ZNF420: variants seen among roughly 807,000 people sequenced by gnomAD.
The protein encoded by ZNF420 is ATM and p53-associated KZNF protein.
ZNF420 carries 31 observed loss-of-function variants against 44.7 expected under a neutral mutation model. That is an observed-to-expected ratio of 0.69 (90% CI 0.52 to 0.94). The LOEUF is 0.94. ZNF420 is among the 40% of genes least tolerant of loss of function. ZNF420 has a pLI of 0.00. For synonymous variants in ZNF420, 245 were observed against 267.4 expected (o/e 0.92, Z 0.82); for missense variants, 681 against 827.9 (o/e 0.82, Z 2.18).
chr19:37,110,784 C>G (rs1039106996), intron 4 of ZNF420, among the ~76,000 whole-genome samples: 1 of 152,152 alleles, frequency 6.6e-6, no homozygotes, highest in Non-Finnish European at 1.5e-5. Flanking sequence ...AGCTGCTTTT[C>G]CATTGTTGGA....
intron 4 of ZNF420, among the ~76,000 whole-genome samples, chr19:37,124,237 T>C (rs1971222406): frequency 6.6e-6 from 1 of 152,226 alleles, no homozygotes; most frequent in Admixed American, 6.5e-5. Context: ...TTTATCCATA[T>C]TGTTGCATGG....
chr19:37,128,889 A>G lies in ZNF420; in HGVS notation c.1898A>G (p.His633Arg), dbSNP rs1568484841. The G allele has an allele frequency of 3.7e-6, 6 of 1,614,108 alleles. No homozygotes were observed. Among genetic ancestry groups the G allele is most frequent in the Non-Finnish European group, 5.1e-6 (6 of 1,179,998 alleles). The change falls in exon 5 of 5, where the codon CAT (histidine) becomes CGT (arginine). Residue 633 changes from histidine to arginine, a missense_variant. Physicochemically the swap from His to Arg is conservative, Grantham distance 29 (BLOSUM62 0). Coordinates refer to ENST00000337995, the MANE Select transcript of ZNF420 (RefSeq NM_144689.5). ...AFTQSSHLSR[H>R]QRIHTGEKPY... ...ACTCAGAGTTCACATCTTTCTCGGCATCAGAGAATTCATACTGGTGAGAAA... is the reference window on the plus strand; with the variant it reads ...ACTCAGAGTTCACATCTTTCTCGGCGTCAGAGAATTCATACTGGTGAGAAA...
At chr19:37,092,346 C>T (rs561845078) in intron 4 of ZNF420, 2 of 152,220 alleles carry the variant, frequency 1.3e-5, no homozygotes, top group South Asian at 4.2e-4. Flanking sequence ...TATTATCATT[C>T]TTCCCACTTT....
At chr19:37,116,686 G>C (rs1409322657) in intron 4 of ZNF420, among the ~76,000 whole-genome samples, 1 of 152,184 alleles carries the variant, frequency 6.6e-6, no homozygotes, top group Non-Finnish European at 1.5e-5. Flanking sequence ...CAAGGGGTCA[G>C]GGAGTTCCCT....
In ZNF420 at chr19:37,128,245, C is replaced by T. The variant is rs1306846789; in HGVS notation, c.1254C>T (p.Pro418=). 5 of 1,613,728 alleles carry T rather than the reference C, an allele frequency of 3.1e-6. No individual in the cohort carries two copies. Among genetic ancestry groups the T allele is most frequent in the Non-Finnish European group, 4.2e-6 (5 of 1,179,880 alleles). Residue 418 remains proline (P), a synonymous_variant, in exon 5 of 5, where the codon CCC becomes CCT. Transcript: ENST00000337995. The part of the protein sequence containing the change: ...QHQRIHTGEK[P]YQCKECGKAF... The stretch of plus-strand genomic sequence containing the variant: ...AGAGAATACACACTGGTGAGAAACC[C>T]TATCAATGTAAGGAATGTGGAAAAG...
At position 37,123,599 on chromosome 19, in the gene ZNF420, C is replaced by CTTTTTTTTTTTTTTTT. The variant is rs762782458; in HGVS notation, c.137-3521_137-3506dup. 1.4e-4 allele frequency among the ~76,000 whole-genome samples: 11 copies of CTTTTTTTTTTTTTTTT among 80,326 alleles called. 1 individual carries two copies. The highest frequency in any genetic ancestry group is 3.5e-4 in the Admixed American group (2 of 5,690). 52.7% of individuals were successfully genotyped at this position (80,326 alleles called of 152,430 possible). A position where few individuals can be genotyped will look rare whatever the true frequency, so the allele number is the denominator to read the frequency against. On this transcript the variant is annotated intron_variant, in intron 4 of 4. Coordinates refer to ENST00000337995, the MANE Select transcript of ZNF420 (RefSeq NM_144689.5). ...CTTCTTTATTTTCTTTTACTCTTGTCTTTTTTTTTTTTTTTTTTTTTTTGA... is the reference window on the plus strand; with the variant it reads ...CTTCTTTATTTTCTTTTACTCTTGTCTTTTTTTTTTTTTTTTTTTTTTTTTTTTTTTTTTTTTTTGA...
At chr19:37,123,955 C>T (rs1291227310) in intron 4 of ZNF420, among the ~76,000 whole-genome samples, 1 of 152,120 alleles carries the variant, frequency 6.6e-6, no homozygotes, top group African/African-American at 2.4e-5. Context: ...ATTTTACCCA[C>T]CATTTATTGG....
At chr19:37,038,940 C>T (rs551682231) in intron 1 of ZNF420, among the ~76,000 whole-genome samples, 33 of 151,714 alleles carry the variant, frequency 2.2e-4, no homozygotes, top group African/African-American at 5.6e-4. Flanking sequence ...GAGTCGAGAA[C>T]GCACCATTGC....
At chr19:37,050,889 T>C (rs1334201468) in intron 1 of ZNF420, among the ~76,000 whole-genome samples, 3 of 152,188 alleles carry the variant, frequency 2.0e-5, no homozygotes, top group Non-Finnish European at 4.4e-5. Context: ...TTTTGAGATA[T>C]GTCCAATCAA....
At chr19:37,009,596 C>T (rs1263296517) in intron 1 of ZNF420, among the ~76,000 whole-genome samples, 4 of 152,196 alleles carry the variant, frequency 2.6e-5, no homozygotes, top group Admixed American at 6.5e-5. Context: ...AAAGCGGTGG[C>T]GGCACACAGC....
intron 1 of ZNF420, among the ~76,000 whole-genome samples, chr19:37,079,226 AT>A (rs1359198460): frequency 6.6e-6 from 1 of 152,194 alleles, no homozygotes; most frequent in Non-Finnish European, 1.5e-5. Context: ...ATGTAGCATA[AT>A]TGGGTGATTG....
chr19:37,043,835 G>A (rs573441304), intron 1 of ZNF420, among the ~76,000 whole-genome samples: 2 of 152,154 alleles, frequency 1.3e-5, no homozygotes, highest in East Asian at 3.9e-4. Flanking sequence ...ACTGTGGCTT[G>A]TTGGTGGGAG....
At chr19:37,097,216 A>G (rs1316874375) in intron 4 of ZNF420, among the ~76,000 whole-genome samples, 1 of 152,044 alleles carries the variant, frequency 6.6e-6, no homozygotes, top group Non-Finnish European at 1.5e-5. Flanking sequence ...TTCTTAAGCA[A>G]TTTCTCAGTA....
chr19:37,016,295 G>C (rs1050478570), intron 1 of ZNF420, among the ~76,000 whole-genome samples: 1 of 152,202 alleles, frequency 6.6e-6, no homozygotes, highest in Admixed American at 6.5e-5. Flanking sequence ...TCTCAGCACG[G>C]AACCATTGGC....
rs143263181 is a variant in ZNF420 at position 37,090,877 on chromosome 19, G to A, written c.10-118G>A. On this transcript the variant is annotated intron_variant, in intron 3 of 4. Coordinates refer to ENST00000337995, the MANE Select transcript of ZNF420 (RefSeq NM_144689.5). ...GGAGGTTGCAGCGTGCCGAGATCGC[G>A]CCACTGCACTCCAGCCTGAGCGACA... 3.5e-3 allele frequency: 3,622 copies of A among 1,041,984 alleles called. 44 individuals are homozygous for A. The East Asian group carries it at 0.049, about 14-fold the overall frequency. 64.5% of individuals were successfully genotyped at this position (1,041,984 alleles called of 1,614,324 possible). A position where few individuals can be genotyped will look rare whatever the true frequency, so the allele number is the denominator to read the frequency against.
chr19:37,085,934 G>GTTTTTT, intron 2 of ZNF420, among the ~76,000 whole-genome samples: 1 of 112,172 alleles, frequency 8.9e-6, no homozygotes, highest in African/African-American at 3.4e-5. Flanking sequence ...CCTGGCTGAT[G>GTTTTTT]TTTTATTATT....
intron 1 of ZNF420, among the ~76,000 whole-genome samples, chr19:37,016,938 C>A (rs1183473559): frequency 6.6e-6 from 1 of 152,166 alleles, no homozygotes; most frequent in Non-Finnish European, 1.5e-5. Flanking sequence ...TTGGGATCCA[C>A]AAGGGTTTCA....
intron 4 of ZNF420, among the ~76,000 whole-genome samples, chr19:37,103,208 T>G (rs943636000): frequency 4.6e-5 from 7 of 152,124 alleles, no homozygotes; most frequent in African/African-American, 1.7e-4. Context: ...AAAATTTTAT[T>G]TTTATTTCCT....
intron 4 of ZNF420, among the ~76,000 whole-genome samples, chr19:37,120,015 G>C (rs1183292774): frequency 1.3e-5 from 2 of 152,102 alleles, no homozygotes; most frequent in Non-Finnish European, 2.9e-5. Flanking sequence ...AGGACCAGAT[G>C]GATTCACAGC....
Sources: allele counts gnomAD v4.1 joint callset (sites outside exome capture counted in the v4.1 genomes callset), GRCh38; gene constraint gnomAD v4.1.1; transcripts MANE v1.5; gene names NCBI Gene and HGNC (gene_info 2026-07-23, HGNC 2026-07-21).